ARHGEF12: variants seen among roughly 807,000 people sequenced by gnomAD.
ARHGEF12 encodes KMT2A/ARHGEF12 fusion protein.
Under a neutral mutation model 211.2 loss-of-function variants are expected in ARHGEF12, and 66 were observed. That is an observed-to-expected ratio of 0.31 (90% CI 0.26 to 0.38). The LOEUF (loss-of-function observed/expected upper bound fraction) is 0.38. Among genes scored for constraint, ARHGEF12 ranks in the 10% least tolerant of loss-of-function variants. ARHGEF12 has a pLI of 1.00. For synonymous variants in ARHGEF12, 592 were observed against 638.4 expected (o/e 0.93, Z 1.09); for missense variants, 1,429 against 1,869.5 (o/e 0.76, Z 4.34).
At position 120,437,341 on chromosome 11, in the gene ARHGEF12, C is replaced by G; in HGVS notation, c.958C>G (p.Leu320Val). ...PKSGPKERIY[L>V]EENPEKSETI... ...GAGTGGCCCAAAAGAGAGAATTTAT[C>G]TAGAGGAAAACCCAGAGAAAAGTGA... The change falls in exon 12 of 41, where the codon CTA (leucine) becomes GTA (valine). Residue 320 changes from leucine (L) to valine (V), a missense_variant. Coordinates refer to ENST00000397843, the MANE Select transcript of ARHGEF12 (RefSeq NM_015313.3). The G allele has an allele frequency of 9.9e-6, 16 of 1,612,508 alleles. No homozygotes were observed. The highest frequency in any genetic ancestry group is 1.3e-5 in the Non-Finnish European group (15 of 1,179,370).
chr11:120,489,060 GGTTGATTTGTCTT>G lies in ARHGEF12; in HGVS notation c.*3986_*3998del. 9.1e-6 allele frequency: 2 copies of G among 220,970 alleles called. No homozygotes were observed. Among genetic ancestry groups the G allele is most frequent in the East Asian group, 1.3e-4 (2 of 14,906 alleles). The allele number at this position is 220,970 out of a possible 1,614,324, so 13.7% of individuals were successfully genotyped here. A position where few individuals can be genotyped will look rare whatever the true frequency, so the allele number is the denominator to read the frequency against. Reference sequence around the variant, plus strand: ...GCATGTGACTTTTTATTTGTATTCTGGTTGATTTGTCTTGTCCAAGTTATATTAGAAAAGTTGA... The same window carrying G: ...GCATGTGACTTTTTATTTGTATTCTGGTCCAAGTTATATTAGAAAAGTTGA... On this transcript the variant is annotated 3_prime_UTR_variant, in exon 41 of 41. Transcript: ENST00000397843.
chr11:120,475,327 CT>C lies in ARHGEF12; in HGVS notation c.3110-9del, dbSNP rs201281081. The C allele has an allele frequency of 8.6e-5, 138 of 1,609,776 alleles. 1 individual carries two copies. The East Asian group carries it at 2.8e-3, about 33-fold the overall frequency. ...TCTGTACTTACCATTTTTTTCTGCA[CT>C]TTTATTTCTAGATTTATACACGTTG... On this transcript the variant is annotated splice_polypyrimidine_tract_variant and intron_variant, in intron 32 of 40. Coordinates refer to ENST00000397843, the MANE Select transcript of ARHGEF12 (RefSeq NM_015313.3).
At chr11:120,400,467 T>C (rs1944523229) in intron 1 of ARHGEF12, among the ~76,000 whole-genome samples, 1 of 152,206 alleles carries the variant, frequency 6.6e-6, no homozygotes, top group Non-Finnish European at 1.5e-5. Flanking sequence ...TCTCATACTT[T>C]CCTAGCAGTT....
intron 22 of ARHGEF12, among the ~76,000 whole-genome samples, chr11:120,452,717 C>T (rs1344985778): frequency 2.6e-5 from 4 of 152,104 alleles, no homozygotes; most frequent in Non-Finnish European, 4.4e-5. Flanking sequence ...AAGACAAGGT[C>T]GGGTGCAGTG....
intron 4 of ARHGEF12, among the ~76,000 whole-genome samples, chr11:120,418,170 A>G (rs1377025261): frequency 6.6e-6 from 1 of 152,254 alleles, no homozygotes; most frequent in African/African-American, 2.4e-5. Flanking sequence ...CTTAAGAAAC[A>G]GAACATTTCC....
At position 120,465,026 on chromosome 11, in the gene ARHGEF12, G is replaced by A. The variant is rs149693984; in HGVS notation, c.2614-211G>A. 744 of 556,382 alleles carry A rather than the reference G, an allele frequency of 1.3e-3. 4 individuals are homozygous for A. The highest frequency in any genetic ancestry group is 0.012 in the African/African-American group (645 of 51,908). The allele number at this position is 556,382 out of a possible 1,614,324, so 34.5% of individuals were successfully genotyped here. ...CTCAAAAAAAAGAAAAAAAAAAGAA[G>A]AAGAAAACATTGGAATATGATCAGA... On this transcript the variant is annotated intron_variant, in intron 27 of 40. Coordinates refer to ENST00000397843, the MANE Select transcript of ARHGEF12 (RefSeq NM_015313.3).
chr11:120,407,635 C>A, intron 2 of ARHGEF12, 103 bp from the exon 3 acceptor site: 3 of 827,288 alleles, frequency 3.6e-6, no homozygotes, highest in South Asian at 1.7e-5. Flanking sequence ...GTAAAGTAAA[C>A]TGATTTCCTG....
intron 25 of ARHGEF12, chr11:120,458,447 C>A (rs1946428319): frequency 4.0e-6 from 2 of 499,666 alleles, no homozygotes; most frequent in African/African-American, 2.0e-5. Flanking sequence ...ATGTGTTAAG[C>A]CTTAAAGATA....
At chr11:120,417,276 C>T (rs775200989) in intron 4 of ARHGEF12, among the ~76,000 whole-genome samples, 7 of 151,932 alleles carry the variant, frequency 4.6e-5, no homozygotes, top group Non-Finnish European at 8.8e-5. Context: ...ATATTAGAAA[C>T]CTTTAATTCA....
At chr11:120,469,847 G>A (rs941779236) in intron 30 of ARHGEF12, among the ~76,000 whole-genome samples, 2 of 152,308 alleles carry the variant, frequency 1.3e-5, no homozygotes, top group Admixed American at 6.5e-5. Flanking sequence ...TTAGTTTGGG[G>A]ATGTTAGGTG....
At chr11:120,340,464 A>T (rs1315556480) in intron 1 of ARHGEF12, among the ~76,000 whole-genome samples, 1 of 152,236 alleles carries the variant, frequency 6.6e-6, no homozygotes, top group Non-Finnish European at 1.5e-5. Flanking sequence ...AAAGCACTGA[A>T]TTCAGCTTTG....
chr11:120,438,685 G>T (rs1380006497), intron 12 of ARHGEF12: 2 of 152,090 alleles, frequency 1.3e-5, no homozygotes, highest in African/African-American at 4.8e-5. Flanking sequence ...ACCCTTCTTT[G>T]CTGAACTCCA....
rs767481639 is a variant in ARHGEF12 at position 120,473,051 on chromosome 11, G to A, written c.2957G>A (p.Arg986His). 1.8e-5 allele frequency: 29 copies of A among 1,613,308 alleles called. No individual in the cohort carries two copies. In the Middle Eastern group the frequency reaches 4.9e-4, roughly 27 times the overall value. Reference protein sequence around the residue: ...QAVKEAENKQRLEDYQRRLDT... With the variant: ...QAVKEAENKQHLEDYQRRLDT... ...GGTTCCACCCTGCCTAATTTTCAGCGCCTAGAAGATTATCAGCGTCGCCTT... is the reference window on the plus strand; with the variant it reads ...GGTTCCACCCTGCCTAATTTTCAGCACCTAGAAGATTATCAGCGTCGCCTT... The change falls in exon 31 of 41, where the codon CGC (arginine) becomes CAC (histidine). Residue 986 changes from arginine to histidine, a missense_variant and splice_region_variant. By Grantham distance (29) the Arg-to-His change is conservative. This residue lies in a region of ARHGEF12 where 223 missense variants were observed against 444.6 expected (regional missense o/e 0.50). Coordinates refer to ENST00000397843, the MANE Select transcript of ARHGEF12 (RefSeq NM_015313.3).
rs998981170 is a variant in ARHGEF12 at position 120,382,866 on chromosome 11, C to T, written c.33-23252C>T. On this transcript the variant is annotated intron_variant, in intron 1 of 40. Transcript: ENST00000397843. ...TAGGAAAGGCAGTAAGGGGGCCGGGCGAGGCGGTTCACGCCTGTAATCCCA... is the reference window on the plus strand; with the variant it reads ...TAGGAAAGGCAGTAAGGGGGCCGGGTGAGGCGGTTCACGCCTGTAATCCCA... 3.9e-5 allele frequency among the ~76,000 whole-genome samples: 6 copies of T among 152,258 alleles called. No individual in the cohort carries two copies. In the East Asian group the frequency reaches 5.8e-4, roughly 15 times the overall value.
At chr11:120,430,198 A>G (rs1327829240) in intron 10 of ARHGEF12, among the ~76,000 whole-genome samples, 1 of 152,096 alleles carries the variant, frequency 6.6e-6, no homozygotes, top group Non-Finnish European at 1.5e-5. Flanking sequence ...TAGGAATTTA[A>G]GAATTTACAA....
In ARHGEF12 at chr11:120,480,070, A is replaced by G. The variant is rs762358343; in HGVS notation, c.3877A>G (p.Thr1293Ala). 1 of 1,614,230 alleles carries G rather than the reference A, an allele frequency of 6.2e-7. No homozygotes were observed. Among genetic ancestry groups the G allele is most frequent in the East Asian group, 2.2e-5 (1 of 44,890 alleles). ...RYRTASQGPQ[T>A]DSVIQNSENI... ...CAGAACAGCCTCTCAGGGGCCGCAGACAGACAGTGTCATCCAGAACTCTGA... is the reference window on the plus strand; with the variant it reads ...CAGAACAGCCTCTCAGGGGCCGCAGGCAGACAGTGTCATCCAGAACTCTGA... Residue 1293 changes from threonine to alanine, a missense_variant, in exon 38 of 41, where the codon ACA becomes GCA. Transcript: ENST00000397843.
chr11:120,396,553 C>G (rs1944395140), intron 1 of ARHGEF12, among the ~76,000 whole-genome samples: 1 of 152,034 alleles, frequency 6.6e-6, no homozygotes, highest in African/African-American at 2.4e-5. Flanking sequence ...AAAAATAGAC[C>G]CACGTATATA....
Position 120,406,810 on chromosome 11 carries a change from AG to A in ARHGEF12, c.56+671del, listed in dbSNP as rs547171944. 2.0e-4 allele frequency among the ~76,000 whole-genome samples: 31 copies of A among 152,282 alleles called. No homozygotes were observed. The East Asian group carries it at 4.3e-3, about 21-fold the overall frequency. On this transcript the variant is annotated intron_variant, in intron 2 of 40. Coordinates refer to ENST00000397843, the MANE Select transcript of ARHGEF12 (RefSeq NM_015313.3). Reference sequence around the variant, plus strand: ...CCTGACCTCGTGATTCGCCCGCCTCAGGCTCCGAAAGTGCTGGGATTACAGG... The same window carrying A: ...CCTGACCTCGTGATTCGCCCGCCTCAGCTCCGAAAGTGCTGGGATTACAGG...
intron 1 of ARHGEF12, among the ~76,000 whole-genome samples, chr11:120,398,807 A>C (rs1397526873): frequency 1.3e-5 from 2 of 152,222 alleles, no homozygotes; most frequent in African/African-American, 2.4e-5. Flanking sequence ...AGAAGATTTA[A>C]TTGTAATGAT....
Sources: gnomAD v4.1 joint callset for allele counts (sites outside exome capture counted in the v4.1 genomes callset) on GRCh38, gnomAD v4.1.1 for gene constraint, gnomAD v4.1.1 regional missense constraint, MANE v1.5 for transcripts, NCBI Gene and HGNC (gene_info 2026-07-23, HGNC 2026-07-21) for gene names.